Variants in HHAT observed in about 807,000 individuals in gnomAD.
HHAT encodes hedgehog acyltransferase.
Under a neutral mutation model 70.8 loss-of-function variants are expected in HHAT, and 47 were observed. The observed-to-expected ratio is 0.66, with a 90% confidence interval of 0.53 to 0.85. HHAT has a LOEUF of 0.85. Among genes scored for constraint, HHAT ranks in the 40% least tolerant of loss-of-function variants. The pLI, the probability that HHAT is intolerant of heterozygous loss-of-function variation, is 0.00. For synonymous variants in HHAT, 228 were observed against 247.6 expected (o/e 0.92, Z 0.74); for missense variants, 609 against 604.8 (o/e 1.01, Z -0.07).
At chr1:210,642,751 G>C (rs193284854) in intron 11 of HHAT, among the ~76,000 whole-genome samples, 427 of 152,122 alleles carry the variant, frequency 2.8e-3, no homozygotes, top group African/African-American at 9.7e-3. Context: ...AGAATTTTTT[G>C]TTGGTTTTAT....
intron 9 of HHAT, among the ~76,000 whole-genome samples, chr1:210,552,365 G>A (rs1026314403): frequency 6.6e-6 from 1 of 152,186 alleles, no homozygotes; most frequent in African/African-American, 2.4e-5. Context: ...GTGTCCTTCT[G>A]AGATGCTGTT....
rs1171613138 is a variant in HHAT at position 210,400,667 on chromosome 1, G to A, written c.468+5G>A. 1 of 1,608,816 alleles carries A rather than the reference G, an allele frequency of 6.2e-7. No homozygotes were observed. The highest frequency in any genetic ancestry group is 1.7e-5 in the Admixed American group (1 of 59,336). ...CAGGGTGTGGAAGAAGTTAAGGTAA[G>A]TGTTTTCCTGTTACCATTGGGAATC... On this transcript the variant is annotated splice_donor_5th_base_variant and intron_variant, in intron 5 of 11. Coordinates refer to ENST00000261458, the MANE Select transcript of HHAT (RefSeq NM_018194.6).
intron 10 of HHAT, among the ~76,000 whole-genome samples, chr1:210,593,759 G>A (rs996622020): frequency 6.6e-6 from 1 of 152,116 alleles, no homozygotes; most frequent in Non-Finnish European, 1.5e-5. Flanking sequence ...AATTCTGAAA[G>A]TAGGGTGTGT....
chr1:210,566,127 T>C (rs1654682523), intron 9 of HHAT, among the ~76,000 whole-genome samples: 1 of 152,184 alleles, frequency 6.6e-6, no homozygotes, highest in African/African-American at 2.4e-5. Flanking sequence ...TTGGTTTAGG[T>C]TCACAAACAT....
At chr1:210,472,064 C>A (rs1214815102) in intron 8 of HHAT, among the ~76,000 whole-genome samples, 1 of 152,068 alleles carries the variant, frequency 6.6e-6, no homozygotes, top group South Asian at 2.1e-4. Context: ...ATTATCTGAT[C>A]CTGTAATAAG....
At chr1:210,426,032 G>T (rs2093051781) in intron 7 of HHAT, among the ~76,000 whole-genome samples, 1 of 152,140 alleles carries the variant, frequency 6.6e-6, no homozygotes, top group African/African-American at 2.4e-5. Flanking sequence ...GCAGTGGGTT[G>T]TAGTTATACT....
chr1:210,552,304 A>C (rs2095534079), intron 9 of HHAT, among the ~76,000 whole-genome samples: 1 of 152,210 alleles, frequency 6.6e-6, no homozygotes, highest in South Asian at 2.1e-4. Flanking sequence ...TCTTTGACAA[A>C]TAATCAGTGC....
chr1:210,673,957 C>CT (rs1318957937), intron 11 of HHAT, among the ~76,000 whole-genome samples: 9,273 of 141,430 alleles, frequency 0.066, 454 homozygotes, highest in Middle Eastern at 0.12. Context: ...TGCCCTATTT[C>CT]TTTTTTTTTT....
At chr1:210,550,491 G>A (rs1014104372) in intron 9 of HHAT, among the ~76,000 whole-genome samples, 2 of 149,030 alleles carry the variant, frequency 1.3e-5, no homozygotes, top group Non-Finnish European at 2.9e-5. Context: ...CAGCTTAAAT[G>A]ATATGAAGCT....
chr1:210,620,334 A>G (rs1464003599), intron 10 of HHAT, among the ~76,000 whole-genome samples: 1 of 152,142 alleles, frequency 6.6e-6, no homozygotes, highest in Non-Finnish European at 1.5e-5. Flanking sequence ...AGGTGGAGAG[A>G]GAGATCCCTG....
intron 3 of HHAT, among the ~76,000 whole-genome samples, chr1:210,365,576 C>G (rs545555382): frequency 1.3e-5 from 2 of 151,224 alleles, no homozygotes; most frequent in East Asian, 3.9e-4. Context: ...CATTGGCCTC[C>G]CAAAATACTG....
chr1:210,506,970 C>A (rs193021828), intron 8 of HHAT, among the ~76,000 whole-genome samples: 1 of 152,210 alleles, frequency 6.6e-6, no homozygotes, highest in Non-Finnish European at 1.5e-5. Flanking sequence ...TCCCTTTAGG[C>A]TCTATTCTCC....
chr1:210,594,482 GTTGTTT>G, intron 10 of HHAT, among the ~76,000 whole-genome samples: 1 of 152,120 alleles, frequency 6.6e-6, no homozygotes, highest in South Asian at 2.1e-4. Context: ...TTAACTTTTT[GTTGTTT>G]TTGTTTATGT....
rs1037029873 is a variant in HHAT at position 210,675,617 on chromosome 1, T to C, written c.*1238T>C. The C allele has an allele frequency of 3.3e-5, 5 of 152,228 alleles. No homozygotes were observed. The allele number at this position is 152,228 out of a possible 1,614,324, so 9.4% of individuals were successfully genotyped here. ...TTCACTTGGACCTAGTGCTGCCTCCTGTTTATTACATAGCATGGCCCTTAT... is the reference window on the plus strand; with the variant it reads ...TTCACTTGGACCTAGTGCTGCCTCCCGTTTATTACATAGCATGGCCCTTAT... On this transcript the variant is annotated 3_prime_UTR_variant, in exon 12 of 12. Coordinates refer to ENST00000261458, the MANE Select transcript of HHAT (RefSeq NM_018194.6).
intron 8 of HHAT, among the ~76,000 whole-genome samples, chr1:210,503,215 C>A (rs1020271593): frequency 6.6e-6 from 1 of 152,164 alleles, no homozygotes; most frequent in African/African-American, 2.4e-5. Context: ...CCACTTTGGC[C>A]TTCCAAAGTG....
chr1:210,578,069 T>C lies in HHAT; in HGVS notation c.1044-9829T>C, dbSNP rs140270357. On this transcript the variant is annotated intron_variant, in intron 9 of 11. Transcript: ENST00000261458. ...TTGATGAGTTGGAGAAGGATTGGTG[T>C]TACTTTTTATTTAAATTTTTGGTAG... 2.6e-5 allele frequency among the ~76,000 whole-genome samples: 4 copies of C among 152,324 alleles called. No homozygotes were observed. In the East Asian group the frequency reaches 7.7e-4, roughly 29 times the overall value.
At chr1:210,590,279 C>G (rs1392046397) in intron 10 of HHAT, 1 of 152,166 alleles carries the variant, frequency 6.6e-6, no homozygotes. Context: ...TACCCTTCTT[C>G]CCTCTCTTTT....
chr1:210,394,051 C>T (rs1282374204), intron 4 of HHAT, among the ~76,000 whole-genome samples: 3 of 152,136 alleles, frequency 2.0e-5, no homozygotes, highest in African/African-American at 4.8e-5. Flanking sequence ...GCATCCTAAA[C>T]TATAGGCAAC....
At chr1:210,643,416 T>C (rs1306185586) in intron 11 of HHAT, among the ~76,000 whole-genome samples, 2 of 152,236 alleles carry the variant, frequency 1.3e-5, no homozygotes, top group Admixed American at 1.3e-4. Flanking sequence ...GCAACAAATA[T>C]AAAACTCATA....
Sources: gnomAD v4.1 joint callset for allele counts (sites outside exome capture counted in the v4.1 genomes callset) on GRCh38, gnomAD v4.1.1 for gene constraint, MANE v1.5 for transcripts, NCBI Gene and HGNC (gene_info 2026-07-23, HGNC 2026-07-21) for gene names.